Variants in NPAS4 observed in about 807,000 individuals in gnomAD.
The protein encoded by NPAS4 is neuronal PAS domain protein 4.
NPAS4 carries 10 observed loss-of-function variants against 64.0 expected under a neutral mutation model. The ratio of observed to expected loss-of-function variants is 0.16; its 90% CI spans 0.10 to 0.26. The LOEUF (loss-of-function observed/expected upper bound fraction) is 0.26. Ranked by LOEUF, NPAS4 falls within the 10% of genes least tolerant of loss-of-function variation. The pLI is 1.00. For synonymous variants in NPAS4, 441 were observed against 411.7 expected, an observed-to-expected ratio of 1.07 and a Z score of -0.86; for missense variants, 886 against 992.6, an observed-to-expected ratio of 0.89 and a Z score of 1.44.
In NPAS4 at chr11:66,422,906, T is replaced by G; in HGVS notation, c.663T>G (p.His221Gln). 1.2e-6 allele frequency: 2 copies of G among 1,608,224 alleles called. No individual in the cohort carries two copies. The highest frequency in any genetic ancestry group is 1.7e-6 in the Non-Finnish European group (2 of 1,179,972). ...TCCTGGCCATGTTCCAGAGCCGCCA[T>G]GCTAAAGACCTGGCTCTACTGGACA... ...SLFLAMFQSRHAKDLALLDIS... is the reference protein window; with the variant it reads ...SLFLAMFQSRQAKDLALLDIS... The change falls in exon 4 of 8, where the codon CAT (histidine) becomes CAG (glutamine). Residue 221 changes from histidine (H) to glutamine (Q), a missense_variant. This residue lies in a region of NPAS4 where 820 missense variants were observed against 855.5 expected (regional missense o/e 0.96). Transcript: ENST00000311034.
upstream of NPAS4, chr11:66,420,978 A>G (rs988156807): frequency 9.2e-6 from 5 of 541,010 alleles, no homozygotes; most frequent in East Asian, 1.5e-4. Flanking sequence ...CCCGGCTCTA[A>G]AACGAGCCCC....
Position 66,423,173 on chromosome 11 carries a change from G to T in NPAS4, c.749G>T (p.Trp250Leu), listed in dbSNP as rs1856776853. The T allele has an allele frequency of 6.2e-7, 1 of 1,611,770 alleles. No individual in the cohort carries two copies. The highest frequency in any genetic ancestry group is 8.5e-7 in the Non-Finnish European group (1 of 1,178,850). The change falls in exon 5 of 8, where the codon TGG becomes TTG. Residue 250 changes from tryptophan (W) to leucine (L), a missense_variant. Physicochemically the swap from Trp to Leu is moderately conservative, Grantham distance 61. Coordinates refer to ENST00000311034, the MANE Select transcript of NPAS4 (RefSeq NM_178864.4). ...FERSELLCKSWYGLLHPEDLA... is the reference protein window; with the variant it reads ...FERSELLCKSLYGLLHPEDLA... ...CGCAGTGAACTGCTTTGTAAATCAT[G>T]GTATGGACTGCTGCACCCCGAGGAC...
the NPAS4 span, among the ~76,000 whole-genome samples, chr11:66,414,193 T>C: frequency 6.6e-6 from 1 of 152,118 alleles, no homozygotes; most frequent in African/African-American, 2.4e-5. Flanking sequence ...GGCCAGAATT[T>C]GCCAGCTGGG....
chr11:66,426,370 C>T lies in NPAS4; in HGVS notation c.*381C>T, dbSNP rs2134649602. The T allele has an allele frequency of 5.1e-6, 1 of 197,076 alleles. No homozygotes were observed. Among genetic ancestry groups the T allele is most frequent in the South Asian group, 1.1e-4 (1 of 9,328 alleles). 12.2% of individuals were successfully genotyped at this position (197,076 alleles called of 1,614,324 possible). ...TTGGTGGGGGAAAGGCAGGGCCCAC[C>T]CGGGCCAGCCCGTGCCCTGAGGGGC... is the stretch of plus-strand genomic sequence containing the variant. On this transcript the variant is annotated 3_prime_UTR_variant, in exon 8 of 8. Coordinates refer to ENST00000311034, the MANE Select transcript of NPAS4 (RefSeq NM_178864.4).
In NPAS4 at chr11:66,422,985, G is replaced by C. The variant is rs752503041; in HGVS notation, c.698+44G>C. On this transcript the variant is annotated intron_variant, in intron 4 of 7. Transcript: ENST00000311034. ...GATTCCAAGAGAAAGGCAGGCCAGA[G>C]ATGAAGGGACCCTAGATTCTGGAGT... 7 of 1,590,714 alleles carry C rather than the reference G, an allele frequency of 4.4e-6. No individual in the cohort carries two copies. The South Asian group carries it at 7.8e-5, about 18-fold the overall frequency.
rs761323840 is a variant in NPAS4, at chr11:66,422,716, G to A, written c.473G>A (p.Arg158Lys). The A allele has an allele frequency of 1.9e-6, 3 of 1,614,100 alleles. No individual in the cohort carries two copies. In the Admixed American group the frequency reaches 5.0e-5, roughly 27 times the overall value. The change falls in exon 4 of 8, where the codon AGG (arginine) becomes AAG (lysine). Residue 158 changes from arginine to lysine, a missense_variant. By Grantham distance (26) the Arg-to-Lys change is conservative. Coordinates refer to ENST00000311034, the MANE Select transcript of NPAS4 (RefSeq NM_178864.4). ...CGCTTCAACACCTCCAAGTCCCTCA[G>A]GCGCCAGAGTGCAGGCAACAAACTC... Reference protein sequence around the residue: ...RCRFNTSKSLRRQSAGNKLVL... With the variant: ...RCRFNTSKSLKRQSAGNKLVL...
At chr11:66,418,799 G>A (rs1165876207), upstream of NPAS4, among the ~76,000 whole-genome samples, 1 of 152,160 alleles carries the variant, frequency 6.6e-6, no homozygotes, top group Non-Finnish European at 1.5e-5. Flanking sequence ...CTCACTCTGA[G>A]GCCTGTGGGT....
In NPAS4 at chr11:66,422,775, C is replaced by T. The variant is rs1255683826; in HGVS notation, c.532C>T (p.Pro178Ser). 3 of 1,614,120 alleles carry T rather than the reference C, an allele frequency of 1.9e-6. No individual in the cohort carries two copies. The highest frequency in any genetic ancestry group is 2.7e-5 in the African/African-American group (2 of 74,948). The change falls in exon 4 of 8, where the codon CCT becomes TCT. Residue 178 changes from proline (P) to serine (S), a missense_variant. Coordinates refer to ENST00000311034, the MANE Select transcript of NPAS4 (RefSeq NM_178864.4). ...TCGAGGCCGATTCCATGCTCACCCA[C>T]CTGGAGCCTACTGGGCAGGAAATCC... The part of the protein sequence containing the change: ...LIRGRFHAHP[P>S]GAYWAGNPVF...
At chr11:66,421,408 G>C in intron 1 of NPAS4, 54 bp downstream of exon 1, 1 of 1,555,340 alleles carries the variant, frequency 6.4e-7, no homozygotes, top group Non-Finnish European at 8.9e-7. Flanking sequence ...GGAGACCCTG[G>C]AGCTGAGGGA....
At chr11:66,422,965 C>T in intron 4 of NPAS4, 24 bp downstream of exon 4, 2 of 1,597,810 alleles carry the variant, frequency 1.3e-6, no homozygotes, top group South Asian at 1.1e-5. Flanking sequence ...GTTCAGATTC[C>T]AAGAGAAAGG....
At position 66,424,369 on chromosome 11, in the gene NPAS4, G is replaced by T. The variant is rs138708121; in HGVS notation, c.1479G>T (p.Ser493=). ...SPLQGQLTET[S]VRSYEDQLTP... is the part of the protein sequence containing the mutation. ...TGCAAGGCCAGTTGACTGAAACCTC[G>T]GTCAGAAGCTATGAAGACCAGTTGA... Residue 493 remains serine, a synonymous_variant, in exon 7 of 8, where the codon TCG becomes TCT. Coordinates refer to ENST00000311034, the MANE Select transcript of NPAS4 (RefSeq NM_178864.4). 1.9e-6 allele frequency: 3 copies of T among 1,614,026 alleles called. No homozygotes were observed. The highest frequency in any genetic ancestry group is 2.2e-5 in the East Asian group (1 of 44,868).
upstream of NPAS4, among the ~76,000 whole-genome samples, chr11:66,417,534 G>A (rs951952060): frequency 1.3e-5 from 2 of 152,132 alleles, no homozygotes; most frequent in East Asian, 1.9e-4. Flanking sequence ...CAAATGGTTA[G>A]GGGGCCTTTG....
chr11:66,426,069 T>C lies in NPAS4; in HGVS notation c.*80T>C. 9.7e-7 allele frequency: 1 copy of C among 1,027,696 alleles called. No homozygotes were observed. Among genetic ancestry groups the C allele is most frequent in the Non-Finnish European group, 1.5e-6 (1 of 665,190 alleles). The allele number at this position is 1,027,696 out of a possible 1,614,324, so 63.7% of individuals were successfully genotyped here. A position where few individuals can be genotyped will look rare whatever the true frequency, so the allele number is the denominator to read the frequency against. ...GCCGCTCTCCACCCCCCCGGGACTG[T>C]TGGGGGGATTCTGAGGGCCAGAGGG... On this transcript the variant is annotated 3_prime_UTR_variant, in exon 8 of 8. Transcript: ENST00000311034.
At chr11:66,411,563 A>C in the NPAS4 span, among the ~76,000 whole-genome samples, 1 of 152,288 alleles carries the variant, frequency 6.6e-6, no homozygotes, top group South Asian at 2.1e-4. Context: ...CCTGTCAGGG[A>C]TGGCAATTCA....
chr11:66,412,859 TCCACGTGGACCGTGTCTCTC>T, the NPAS4 span, among the ~76,000 whole-genome samples: 1 of 152,228 alleles, frequency 6.6e-6, no homozygotes, highest in Non-Finnish European at 1.5e-5. Flanking sequence ...CACTGGCCTT[TCCACGTGGACCGTGTCTCTC>T]CCACTGCCTC....
Position 66,422,559 on chromosome 11 carries a change from G to T in NPAS4, c.430+6G>T. ...GCCCTCTGCCCTGGACACTGGTAAG[G>T]ACTCCCTTCTCCCTTCCTCGGTCCA... On this transcript the variant is annotated splice_donor_region_variant and intron_variant, in intron 3 of 7. Transcript: ENST00000311034. 1.2e-6 allele frequency: 2 copies of T among 1,611,628 alleles called. No individual in the cohort carries two copies. The highest frequency in any genetic ancestry group is 1.7e-6 in the Non-Finnish European group (2 of 1,177,800).
At chr11:66,412,266 C>T in the NPAS4 span, among the ~76,000 whole-genome samples, 74 of 152,364 alleles carry the variant, frequency 4.9e-4, no homozygotes, top group Non-Finnish European at 8.4e-4. Context: ...CGGCCCGGGA[C>T]CTCCGTCTCT....
chr11:66,426,054 A>G lies in NPAS4; in HGVS notation c.*65A>G. On this transcript the variant is annotated 3_prime_UTR_variant, in exon 8 of 8. Coordinates refer to ENST00000311034, the MANE Select transcript of NPAS4 (RefSeq NM_178864.4). ...TCATCAAGACGTGGAGCCGCTCTCC[A>G]CCCCCCCGGGACTGTTGGGGGGATT... The G allele has an allele frequency of 9.6e-7, 1 of 1,046,110 alleles. No homozygotes were observed. The highest frequency in any genetic ancestry group is 1.4e-6 in the Non-Finnish European group (1 of 722,478). The allele number at this position is 1,046,110 out of a possible 1,614,324, so 64.8% of individuals were successfully genotyped here. A position where few individuals can be genotyped will look rare whatever the true frequency, so the allele number is the denominator to read the frequency against.
the NPAS4 span, chr11:66,410,481 C>T: frequency 0.35 from 53,293 of 152,202 alleles, 9,838 homozygotes; most frequent in African/African-American, 0.46. Context: ...GAGACTCAGG[C>T]GGCCCTCAGA....
Sources: gnomAD v4.1 joint callset for allele counts (sites outside exome capture counted in the v4.1 genomes callset) on GRCh38, gnomAD v4.1.1 for gene constraint, gnomAD v4.1.1 regional missense constraint, MANE v1.5 for transcripts, NCBI Gene and HGNC (gene_info 2026-07-23, HGNC 2026-07-21) for gene names.